Variants in ATP9B observed in about 807,000 individuals in gnomAD.
The protein encoded by ATP9B is ATPase phospholipid transporting 9B.
Under a neutral mutation model 146.1 loss-of-function variants are expected in ATP9B, and 110 were observed. The ratio of observed to expected loss-of-function variants is 0.75; its 90% CI spans 0.65 to 0.88. The LOEUF is 0.88. Among genes scored for constraint, ATP9B ranks in the 40% least tolerant of loss-of-function variants. The pLI, the probability that ATP9B is intolerant of heterozygous loss-of-function variation, is 0.00. For missense variants in ATP9B, 1,499 were observed against 1,496.4 expected, an observed-to-expected ratio of 1.00 and a Z score of -0.03; for synonymous variants, 604 against 569.7, an observed-to-expected ratio of 1.06 and a Z score of -0.86.
At chr18:79,348,712 A>G (rs8095837) in intron 25 of ATP9B, among the ~76,000 whole-genome samples, 74,329 of 152,232 alleles carry the variant, frequency 0.49, 18,371 homozygotes, top group East Asian at 0.7. Context: ...GCGGTGGCTC[A>G]CGCCTGTAAT....
At chr18:79,328,053 T>TGGTTAGCGTGCTCTCC (rs2096769401) in intron 15 of ATP9B, among the ~76,000 whole-genome samples, 2 of 77,536 alleles carry the variant, frequency 2.6e-5, no homozygotes, top group Non-Finnish European at 2.5e-5. Context: ...GCGTGCTCTC[T>TGGTTAGCGTGCTCTCC]CTGGTTAGCG....
rs116106006 is a variant in ATP9B, at chr18:79,190,041, G to A, written c.874-3142G>A. On this transcript the variant is annotated intron_variant, in intron 8 of 29. Coordinates refer to ENST00000426216, the MANE Select transcript of ATP9B (RefSeq NM_198531.5). ...CAGCAGACCCTTGCACGCACTCCCC[G>A]CAGCAGCAGCAGGAGGGGCTGCGAC... Among the ~76,000 whole-genome samples, 577 of 152,216 alleles carry A rather than the reference G, an allele frequency of 3.8e-3. 3 individuals carry two copies. Among genetic ancestry groups the A allele is most frequent in the South Asian group, 0.024 (117 of 4,822 alleles).
intron 13 of ATP9B, among the ~76,000 whole-genome samples, chr18:79,295,556 C>A (rs896075342): frequency 1.3e-5 from 2 of 152,178 alleles, no homozygotes; most frequent in African/African-American, 4.8e-5. Context: ...CCTCTCCTCC[C>A]ATTTTCTTTT....
Position 79,218,516 on chromosome 18 carries a change from GT to G in ATP9B, c.1107+4481del, listed in dbSNP as rs554922176. 1.7e-3 allele frequency among the ~76,000 whole-genome samples: 251 copies of G among 151,834 alleles called. 4 individuals carry two copies. Among genetic ancestry groups the G allele is most frequent in the African/African-American group, 5.7e-3 (235 of 41,366 alleles). On this transcript the variant is annotated intron_variant, in intron 11 of 29. Transcript: ENST00000426216. ...TGTCCGGCACAGGCTGGCAGCTCCT[GT>G]TTCTTGTCGTATTTTCCTTGTGTTC...
intron 8 of ATP9B, among the ~76,000 whole-genome samples, chr18:79,183,735 T>A (rs2095275620): frequency 6.6e-6 from 1 of 151,356 alleles, no homozygotes; most frequent in African/African-American, 2.4e-5. Context: ...CTGCTTTCCA[T>A]ACAAAATCTG....
At chr18:79,304,413 G>T (rs1260928042) in intron 14 of ATP9B, among the ~76,000 whole-genome samples, 1 of 152,082 alleles carries the variant, frequency 6.6e-6, no homozygotes, top group Admixed American at 6.6e-5. Context: ...GATTTTTTTA[G>T]ATTTGGAATA....
At chr18:79,210,880 T>C (rs1274733821) in intron 10 of ATP9B, among the ~76,000 whole-genome samples, 1 of 152,252 alleles carries the variant, frequency 6.6e-6, no homozygotes, top group Non-Finnish European at 1.5e-5. Context: ...TGTCTCTCAT[T>C]AGACACACAT....
At chr18:79,079,989 C>G (rs970532448) in intron 1 of ATP9B, among the ~76,000 whole-genome samples, 1 of 152,162 alleles carries the variant, frequency 6.6e-6, no homozygotes, top group African/African-American at 2.4e-5. Context: ...GGCCTCTTTT[C>G]TGTTACATTG....
intron 12 of ATP9B, among the ~76,000 whole-genome samples, chr18:79,264,553 G>A (rs572842418): frequency 6.6e-6 from 1 of 151,404 alleles, no homozygotes; most frequent in Admixed American, 6.6e-5. Context: ...TTTTTTGTTG[G>A]TTATCACTTT....
chr18:79,104,018 C>T (rs2075482791), intron 2 of ATP9B, among the ~76,000 whole-genome samples: 1 of 152,152 alleles, frequency 6.6e-6, no homozygotes, highest in African/African-American at 2.4e-5. Flanking sequence ...TTTGTGACAG[C>T]TAAGAGCCAG....
chr18:79,356,758 G>A (rs186215604), intron 25 of ATP9B, among the ~76,000 whole-genome samples: 2 of 152,252 alleles, frequency 1.3e-5, no homozygotes, highest in Admixed American at 1.3e-4. Context: ...AGAGGGAAGT[G>A]GTTGCAGCTG....
chr18:79,238,737 T>A lies in ATP9B; in HGVS notation c.1108-14644T>A, dbSNP rs193004700. The stretch of plus-strand genomic sequence containing the variant: ...ACTCGAGCTATGGACAGGCAGCGAG[T>A]ATGATTTTCCTCCTCCTCCTGCTGT... On this transcript the variant is annotated intron_variant, in intron 11 of 29. Coordinates refer to ENST00000426216, the MANE Select transcript of ATP9B (RefSeq NM_198531.5). Among the ~76,000 whole-genome samples the A allele has an allele frequency of 1.5e-3, 227 of 152,188 alleles. 5 individuals are homozygous for A. The highest frequency in any genetic ancestry group is 0.014 in the Middle Eastern group (4 of 294).
chr18:79,206,585 A>G (rs2095535464), intron 9 of ATP9B, among the ~76,000 whole-genome samples: 1 of 152,020 alleles, frequency 6.6e-6, no homozygotes, highest in African/African-American at 2.4e-5. Flanking sequence ...GCTTGAGCCC[A>G]GGAATTTGAG....
chr18:79,375,807 G>A (rs1338861001), intron 29 of ATP9B: 6 of 985,274 alleles, frequency 6.1e-6, no homozygotes, highest in East Asian at 2.3e-4. Flanking sequence ...GAGATCCAGC[G>A]CTTCCCTGTG....
chr18:79,303,096 G>T (rs1013168554), intron 13 of ATP9B, among the ~76,000 whole-genome samples: 4 of 152,222 alleles, frequency 2.6e-5, no homozygotes, highest in Non-Finnish European at 5.9e-5. Context: ...GTTAGAGGCT[G>T]CGTGTGCAGT....
chr18:79,175,579 A>G (rs1342908992), intron 7 of ATP9B, among the ~76,000 whole-genome samples: 2 of 152,216 alleles, frequency 1.3e-5, no homozygotes, highest in Admixed American at 1.3e-4. Context: ...CATCTGTCAC[A>G]CAGATATGCA....
At chr18:79,360,646 T>C (rs2096982529) in intron 26 of ATP9B, 1 of 152,256 alleles carries the variant, frequency 6.6e-6, no homozygotes, top group Non-Finnish European at 1.5e-5. Flanking sequence ...AACTTTTTGA[T>C]TTCTTGATGT....
At chr18:79,188,268 T>C (rs573698661) in intron 8 of ATP9B, among the ~76,000 whole-genome samples, 1 of 152,282 alleles carries the variant, frequency 6.6e-6, no homozygotes, top group East Asian at 1.9e-4. Context: ...TAAGAGCTCT[T>C]AGAAATATAT....
intron 12 of ATP9B, among the ~76,000 whole-genome samples, chr18:79,259,960 G>C (rs951697259): frequency 6.6e-6 from 1 of 152,120 alleles, no homozygotes; most frequent in Admixed American, 6.5e-5. Flanking sequence ...AGGTATTGAT[G>C]ATTTGGAAAA....
Sources: allele counts gnomAD v4.1 joint callset (sites outside exome capture counted in the v4.1 genomes callset), GRCh38; gene constraint gnomAD v4.1.1; transcripts MANE v1.5; gene names NCBI Gene and HGNC (gene_info 2026-07-23, HGNC 2026-07-21).